The following MBNL2 variants were observed in gnomAD, a reference collection of about 807,000 sequenced individuals.
The protein encoded by MBNL2 is muscleblind like splicing regulator 2, also known as muscleblind-like protein 2.
Under a neutral mutation model 41.9 loss-of-function variants are expected in MBNL2, and 17 were observed. The observed-to-expected ratio is 0.41, with a 90% CI of 0.28 to 0.61. The LOEUF (loss-of-function observed/expected upper bound fraction) is 0.61, where lower values mean the gene tolerates loss of function less well. MBNL2 is among the 20% of genes least tolerant of loss of function. The pLI, the probability that MBNL2 is intolerant of heterozygous loss-of-function variation, is 0.35. For missense variants in MBNL2, 336 were observed against 505.6 expected (o/e 0.66, Z 3.22); for synonymous variants, 195 against 182.9 (o/e 1.07, Z -0.53).
At chr13:97,321,820 T>C (rs568056094) in intron 2 of MBNL2, among the ~76,000 whole-genome samples, 3 of 152,304 alleles carry the variant, frequency 2.0e-5, no homozygotes, top group Admixed American at 2.0e-4. Context: ...CCAGCCAGCT[T>C]GACTGACTGC....
chr13:97,215,064 T>C, the MBNL2 span, among the ~76,000 whole-genome samples: 5 of 152,238 alleles, frequency 3.3e-5, no homozygotes, highest in East Asian at 1.9e-4. Flanking sequence ...TGGAGAACCA[T>C]AGGCTTCGCC....
rs1257406262 is a variant in MBNL2 at position 97,334,004 on chromosome 13, G to C, written c.175-272G>C. ...GGAGGGAGGGAAAGAAAGAGAAAGA[G>C]AGAAAGAGAGAGAGGGAGGGAGGGA... On this transcript the variant is annotated intron_variant, in intron 2 of 8. Coordinates refer to ENST00000679496, the MANE Select transcript of MBNL2 (RefSeq NM_001382683.1). The surrounding 1 kb of genome is among the most constrained non-coding windows in gnomAD (Gnocchi z 5.3). 8.5e-6 allele frequency among the ~76,000 whole-genome samples: 1 copy of C among 117,060 alleles called. No homozygotes were observed. Among genetic ancestry groups the C allele is most frequent in the African/African-American group, 3.2e-5 (1 of 31,222 alleles). 76.8% of individuals were successfully genotyped at this position (117,060 alleles called of 152,430 possible).
At position 97,389,782 on chromosome 13, in the gene MBNL2, A is replaced by T. The variant is rs1001615517; in HGVS notation, c.1049-1540A>T. Among the ~76,000 whole-genome samples, 171 of 151,992 alleles carry T rather than the reference A, an allele frequency of 1.1e-3. 2 individuals are homozygous for T. The highest frequency in any genetic ancestry group is 3.8e-3 in the African/African-American group (157 of 41,546). On this transcript the variant is annotated intron_variant, in intron 8 of 8. Transcript: ENST00000679496. ...GAGTTATTTTAGAAACTTTTTTTTT[A>T]AAAGTAAAAGAAAAAGAAAAATCAG...
chr13:97,203,535 C>T, the MBNL2 span, among the ~76,000 whole-genome samples: 25 of 152,138 alleles, frequency 1.6e-4, no homozygotes, highest in Admixed American at 1.4e-3. Flanking sequence ...TCCTCTACCT[C>T]AAAAGCTGCG....
At chr13:97,187,775 C>T in the MBNL2 span, among the ~76,000 whole-genome samples, 7 of 151,682 alleles carry the variant, frequency 4.6e-5, no homozygotes, top group South Asian at 2.1e-4. Flanking sequence ...GGAGAGGTGG[C>T]GGGCGCCTGT....
chr13:97,366,494 T>C lies in MBNL2; in HGVS notation c.1048+1323T>C. The C allele has an allele frequency of 6.2e-7, 1 of 1,612,706 alleles. No individual in the cohort carries two copies. Among genetic ancestry groups the C allele is most frequent in the South Asian group, 1.1e-5 (1 of 91,034 alleles). Reference sequence around the variant, plus strand: ...GCACAGCGCTACGTCCGCCACTGTCTCTGCAGCAACAACTCCTGCAACAAG... The same window carrying C: ...GCACAGCGCTACGTCCGCCACTGTCCCTGCAGCAACAACTCCTGCAACAAG... On this transcript the variant is annotated intron_variant, in intron 8 of 8. Transcript: ENST00000679496. The surrounding 1 kb of genome is among the most constrained non-coding windows in gnomAD (Gnocchi z 4.7).
the MBNL2 span, among the ~76,000 whole-genome samples, chr13:97,191,743 T>A: frequency 2.0e-5 from 3 of 152,164 alleles, no homozygotes; most frequent in Non-Finnish European, 4.4e-5. Flanking sequence ...CAAGTAGACA[T>A]CAGCTGTTTT....
the MBNL2 span, among the ~76,000 whole-genome samples, chr13:97,165,152 C>T: frequency 5.3e-5 from 8 of 151,820 alleles, 1 homozygote; most frequent in East Asian, 1.9e-4. Flanking sequence ...TGCAGTGAGC[C>T]GAGATCATGC....
At chr13:97,169,272 G>A in the MBNL2 span, among the ~76,000 whole-genome samples, 3 of 152,168 alleles carry the variant, frequency 2.0e-5, no homozygotes, top group Admixed American at 1.3e-4. Context: ...CAAATGAAAC[G>A]AAGGGGCTAA....
intron 2 of MBNL2, among the ~76,000 whole-genome samples, chr13:97,313,396 T>G (rs976701733): frequency 2.6e-5 from 4 of 152,222 alleles, no homozygotes; most frequent in African/African-American, 9.6e-5. Flanking sequence ...CAGAAGGAAC[T>G]TGAATTCTAA....
the MBNL2 span, among the ~76,000 whole-genome samples, chr13:97,169,983 G>A: frequency 3.3e-5 from 5 of 152,066 alleles, no homozygotes; most frequent in Admixed American, 6.5e-5. Context: ...AAAGGATCTC[G>A]TCATCCTTTA....
intron 2 of MBNL2, among the ~76,000 whole-genome samples, chr13:97,310,940 T>A (rs986696183): frequency 2.6e-5 from 4 of 152,150 alleles, no homozygotes; most frequent in African/African-American, 9.7e-5. Context: ...CATGTGCTCA[T>A]TGTCTGATAA....
chr13:97,149,286 AGTGCTCCTG>A, the MBNL2 span, among the ~76,000 whole-genome samples: 1 of 152,196 alleles, frequency 6.6e-6, no homozygotes, highest in African/African-American at 2.4e-5. Flanking sequence ...TCTTAAGTGA[AGTGCTCCTG>A]GAGCTCCTGG....
chr13:97,356,054 C>G (rs915186443), intron 5 of MBNL2, among the ~76,000 whole-genome samples: 2 of 152,122 alleles, frequency 1.3e-5, no homozygotes, highest in Non-Finnish European at 1.5e-5. Context: ...TGATGGAATA[C>G]AAGTGGGGAA....
the MBNL2 span, among the ~76,000 whole-genome samples, chr13:97,185,973 T>C: frequency 4.6e-5 from 7 of 152,252 alleles, no homozygotes; most frequent in Admixed American, 3.9e-4. Flanking sequence ...TTGCTACTTA[T>C]GGCCCATGCC....
chr13:97,360,683 A>T (rs1164473774), intron 7 of MBNL2, among the ~76,000 whole-genome samples: 1 of 152,248 alleles, frequency 6.6e-6, no homozygotes, highest in African/African-American at 2.4e-5. Context: ...TACACCGCAA[A>T]GTGGAACTAC....
intron 8 of MBNL2, among the ~76,000 whole-genome samples, chr13:97,370,363 G>A (rs2064246074): frequency 6.6e-6 from 1 of 152,136 alleles, no homozygotes; most frequent in African/African-American, 2.4e-5. Flanking sequence ...AAAGTAGCCA[G>A]GTCATCTTTA....
the MBNL2 span, among the ~76,000 whole-genome samples, chr13:97,152,700 AG>A: frequency 1.3e-5 from 2 of 152,208 alleles, no homozygotes; most frequent in Admixed American, 1.3e-4. Flanking sequence ...ATTAATTGAG[AG>A]GATAAAATAA....
intron 8 of MBNL2, among the ~76,000 whole-genome samples, chr13:97,370,562 G>A (rs1374821290): frequency 4.0e-5 from 6 of 151,852 alleles, no homozygotes; most frequent in Non-Finnish European, 5.9e-5. Flanking sequence ...CCAGCTACTC[G>A]AGAGGGTGAG....
Sources: allele counts gnomAD v4.1 joint callset (sites outside exome capture counted in the v4.1 genomes callset), GRCh38; gene constraint gnomAD v4.1.1; non-coding constraint Gnocchi (gnomAD v3.1); transcripts MANE v1.5; gene names NCBI Gene and HGNC (gene_info 2026-07-23, HGNC 2026-07-21).